ASB3: variants seen among roughly 807,000 people sequenced by gnomAD.
ASB3 encodes ankyrin repeat and SOCS box containing 3.
ASB3 carries 41 observed loss-of-function variants against 54.5 expected under a neutral mutation model. The observed-to-expected ratio is 0.75, with a 90% CI of 0.59 to 0.98. ASB3 has a LOEUF of 0.98. Among genes scored for constraint, ASB3 ranks in the 50% least tolerant of loss-of-function variants. The probability of loss-of-function intolerance (pLI) is 0.00; values close to 1 mark genes in which losing one functional copy is unlikely to be tolerated. For missense variants in ASB3, 733 were observed against 620.0 expected (o/e 1.18, Z -1.94); for synonymous variants, 266 against 221.2 (o/e 1.20, Z -1.80).
At chr2:53,723,125 A>G (rs958194250) in intron 5 of ASB3, among the ~76,000 whole-genome samples, 4 of 152,202 alleles carry the variant, frequency 2.6e-5, no homozygotes, top group African/African-American at 9.6e-5. Context: ...CTGGGAATAC[A>G]TCTTACCAAG....
chr2:53,674,372 C>T (rs1453294566), intron 9 of ASB3, among the ~76,000 whole-genome samples: 2 of 152,068 alleles, frequency 1.3e-5, no homozygotes, highest in Admixed American at 1.3e-4. Flanking sequence ...ACTTTTAATT[C>T]CTATACAGAA....
chr2:53,698,123 C>G (rs1167072854), intron 8 of ASB3, among the ~76,000 whole-genome samples: 3 of 152,154 alleles, frequency 2.0e-5, no homozygotes, highest in Non-Finnish European at 4.4e-5. Context: ...TCAACAACCT[C>G]TGGAATCTAG....
In ASB3 at chr2:53,737,274, G is replaced by A. The variant is rs188868781; in HGVS notation, c.356-7704C>T. 2.1e-3 allele frequency among the ~76,000 whole-genome samples: 323 copies of A among 152,268 alleles called. 4 individuals are homozygous for A. Among genetic ancestry groups the A allele is most frequent in the African/African-American group, 7.3e-3 (304 of 41,572 alleles). On this transcript the variant is annotated intron_variant, in intron 3 of 9. Transcript: ENST00000263634. ...GGACATTTCCCCGTTACGGTACAGT[G>A]AGCTGAAGTCCAAGTAGAGCAACAG...
chr2:53,712,465 C>T (rs982562770), intron 7 of ASB3, among the ~76,000 whole-genome samples: 5 of 152,150 alleles, frequency 3.3e-5, no homozygotes, highest in African/African-American at 9.7e-5. Flanking sequence ...CCTAAAATTT[C>T]AACTAATCTT....
At chr2:53,767,757 C>A (rs1673574780) in intron 1 of ASB3, 1 of 1,108,006 alleles carries the variant, frequency 9.0e-7, no homozygotes, top group South Asian at 1.6e-5. Flanking sequence ...TCCCAGTGCG[C>A]TTTGCGCCCC....
At chr2:53,701,656 T>C (rs1240088167) in intron 7 of ASB3, among the ~76,000 whole-genome samples, 1 of 152,202 alleles carries the variant, frequency 6.6e-6, no homozygotes, top group Non-Finnish European at 1.5e-5. Context: ...CAGTATACAG[T>C]GAGCCTGAGA....
intron 2 of ASB3, among the ~76,000 whole-genome samples, chr2:53,752,747 T>C (rs75396988): frequency 0.057 from 8,734 of 152,242 alleles, 464 homozygotes; most frequent in East Asian, 0.28. Flanking sequence ...TTACTATATA[T>C]TAAACCATGT....
intron 1 of ASB3, among the ~76,000 whole-genome samples, chr2:53,780,769 C>T (rs1373494842): frequency 1.3e-5 from 2 of 152,174 alleles, no homozygotes; most frequent in African/African-American, 4.8e-5. Flanking sequence ...CACAGCAATA[C>T]TCTGTCTCTA....
chr2:53,755,120 G>A (rs777761237), intron 2 of ASB3, among the ~76,000 whole-genome samples: 1 of 152,182 alleles, frequency 6.6e-6, no homozygotes, highest in South Asian at 2.1e-4. Flanking sequence ...AATGGTGTGG[G>A]TATTAAAGAC....
intron 9 of ASB3, among the ~76,000 whole-genome samples, chr2:53,692,384 A>C (rs1481734120): frequency 6.6e-6 from 1 of 152,206 alleles, no homozygotes; most frequent in African/African-American, 2.4e-5. Context: ...ATGAGACTGG[A>C]AACAAGAAAA....
At chr2:53,753,808 GTAT>G (rs897321119) in intron 2 of ASB3, among the ~76,000 whole-genome samples, 29 of 150,086 alleles carry the variant, frequency 1.9e-4, no homozygotes, top group African/African-American at 6.2e-4. Flanking sequence ...GTAATTTTTT[GTAT>G]TTTTTTTTTA....
intron 3 of ASB3, among the ~76,000 whole-genome samples, chr2:53,734,996 TA>T (rs1245532390): frequency 6.7e-6 from 1 of 148,310 alleles, no homozygotes; most frequent in African/African-American, 2.5e-5. Flanking sequence ...CTTGGCTCAC[TA>T]CAACCTCCAC....
Position 53,700,339 on chromosome 2 carries a change from T to C in ASB3, c.1170A>G (p.Lys390=), listed in dbSNP as rs1228505956. The C allele has an allele frequency of 3.1e-6, 5 of 1,614,150 alleles. No homozygotes were observed. Among genetic ancestry groups the C allele is most frequent in the Non-Finnish European group, 4.2e-6 (5 of 1,180,020 alleles). ...FVNHAIKAQA[K]YKEWLPHLLV... ...GAAGATGTGGCAACCACTCCTTATATTTTGCTTGTGCTTTAATTGCATGAT... is the reference window on the plus strand; with the variant it reads ...GAAGATGTGGCAACCACTCCTTATACTTTGCTTGTGCTTTAATTGCATGAT... Residue 390 remains lysine (K), a synonymous_variant, in exon 8 of 10, where the codon AAA becomes AAG. Transcript: ENST00000263634.
chr2:53,709,071 C>T (rs1387793191), intron 7 of ASB3, among the ~76,000 whole-genome samples: 1 of 152,186 alleles, frequency 6.6e-6, no homozygotes, highest in African/African-American at 2.4e-5. Context: ...CCAAAACCAC[C>T]AGGGGGTGGT....
rs549587466 is a variant in ASB3, at chr2:53,692,177, A to T, written c.1369+1707T>A. On this transcript the variant is annotated intron_variant, in intron 9 of 9. Transcript: ENST00000263634. ...TACAGGGGGGGCAAAAATCACCCCT[A>T]TGCTATGGATGAAATAACAAACAGC... 5.3e-5 allele frequency among the ~76,000 whole-genome samples: 8 copies of T among 152,304 alleles called. No individual in the cohort carries two copies. In the East Asian group the frequency reaches 1.5e-3, roughly 29 times the overall value.
At chr2:53,728,400 C>A (rs556157674) in intron 5 of ASB3, among the ~76,000 whole-genome samples, 2 of 152,234 alleles carry the variant, frequency 1.3e-5, no homozygotes, top group South Asian at 2.1e-4. Context: ...TAGTCTTACA[C>A]CCTAGAAAGT....
intron 3 of ASB3, among the ~76,000 whole-genome samples, chr2:53,738,387 C>A (rs13414183): frequency 0.17 from 25,440 of 152,114 alleles, 2,301 homozygotes; most frequent in African/African-American, 0.24. Flanking sequence ...TAGAACTGTT[C>A]TCCAATATAG....
chr2:53,785,318 C>T (rs1311707400), intron 1 of ASB3, among the ~76,000 whole-genome samples: 2 of 152,158 alleles, frequency 1.3e-5, no homozygotes, highest in African/African-American at 4.8e-5. Context: ...CAGATTCAAT[C>T]ACTATAGCCC....
chr2:53,674,871 A>AAATAT (rs1283654657), intron 9 of ASB3, among the ~76,000 whole-genome samples: 1 of 152,134 alleles, frequency 6.6e-6, no homozygotes, highest in Non-Finnish European at 1.5e-5. Context: ...GAACTCTGAA[A>AAATAT]AACAAGTAAT....
Sources: allele counts gnomAD v4.1 joint callset (sites outside exome capture counted in the v4.1 genomes callset), GRCh38; gene constraint gnomAD v4.1.1; transcripts MANE v1.5; gene names NCBI Gene and HGNC (gene_info 2026-07-23, HGNC 2026-07-21).